The following DISC1 variants were observed in gnomAD, a reference collection of about 807,000 sequenced individuals.
The protein encoded by DISC1 is DISC1 scaffold protein.
DISC1 carries 57 observed loss-of-function variants against 84.5 expected under a neutral mutation model. That is an observed-to-expected ratio of 0.67 (90% CI 0.55 to 0.84). The LOEUF (loss-of-function observed/expected upper bound fraction) is 0.84, where lower values mean the gene tolerates loss of function less well. Ranked by LOEUF, DISC1 falls within the 40% of genes least tolerant of loss-of-function variation. The pLI is 0.00. For synonymous variants in DISC1, 411 were observed against 415.2 expected, an observed-to-expected ratio of 0.99 and a Z score of 0.12; for missense variants, 1,000 against 1,057.8, an observed-to-expected ratio of 0.95 and a Z score of 0.76.
At chr1:231,898,879 G>A (rs756783101) in intron 9 of DISC1, among the ~76,000 whole-genome samples, 5 of 151,996 alleles carry the variant, frequency 3.3e-5, no homozygotes, top group African/African-American at 4.8e-5. Context: ...GTTGCAGTGA[G>A]CCGAGATGAT....
chr1:231,721,110 A>C (rs1242599491), intron 3 of DISC1: 2 of 1,288,276 alleles, frequency 1.6e-6, no homozygotes, highest in East Asian at 1.1e-4. Context: ...CTCATCTGCC[A>C]AATGAGTACA....
intron 9 of DISC1, among the ~76,000 whole-genome samples, chr1:231,851,993 T>C (rs2083933839): frequency 6.6e-6 from 1 of 152,146 alleles, no homozygotes; most frequent in South Asian, 2.1e-4. Context: ...GTCTGGCTGC[T>C]GTGAGGTATG....
intron 9 of DISC1, among the ~76,000 whole-genome samples, chr1:231,869,582 G>A (rs1382635500): frequency 6.6e-6 from 1 of 151,436 alleles, no homozygotes; most frequent in Non-Finnish European, 1.5e-5. Context: ...TTCCTCTCTG[G>A]CCATGTGATC....
At chr1:231,696,904 C>T (rs775981295) in intron 2 of DISC1, among the ~76,000 whole-genome samples, 26 of 152,210 alleles carry the variant, frequency 1.7e-4, no homozygotes, top group Non-Finnish European at 3.2e-4. Context: ...AGAATGCATC[C>T]CTGTCATTAA....
intron 4 of DISC1, chr1:231,750,623 A>G: frequency 1.0e-6 from 1 of 979,968 alleles, no homozygotes; most frequent in Non-Finnish European, 1.2e-6. Context: ...ACTTAGAAAG[A>G]TTTAAAACCT....
At chr1:231,640,709 TA>T (rs1417795884) in intron 1 of DISC1, among the ~76,000 whole-genome samples, 1 of 152,020 alleles carries the variant, frequency 6.6e-6, no homozygotes, top group Non-Finnish European at 1.5e-5. Context: ...TATTTTTATT[TA>T]TTTTTTGTAG....
intron 8 of DISC1, among the ~76,000 whole-genome samples, chr1:231,804,035 A>G (rs989745127): frequency 4.0e-5 from 6 of 151,438 alleles, no homozygotes; most frequent in Admixed American, 2.0e-4. Context: ...CTGCTTAGTG[A>G]CTAGAAGCAA....
Position 231,910,416 on chromosome 1 carries a change from CT to C in DISC1, c.1982-48410del, listed in dbSNP as rs575419596. 1.3e-4 allele frequency among the ~76,000 whole-genome samples: 20 copies of C among 152,244 alleles called. No homozygotes were observed. In the East Asian group the frequency reaches 3.1e-3, roughly 23 times the overall value. ...TTTCAAAGAACATCTTTATTTCTGC[CT>C]TCATTTCGTTATGTACTCAGTAGTC... On this transcript the variant is annotated intron_variant, in intron 9 of 12. Coordinates refer to ENST00000439617, the MANE Select transcript of DISC1 (RefSeq NM_018662.3).
intron 9 of DISC1, among the ~76,000 whole-genome samples, chr1:231,825,733 G>C (rs1292010180): frequency 6.6e-6 from 1 of 151,528 alleles, no homozygotes; most frequent in Non-Finnish European, 1.5e-5. Context: ...CATAACTTCA[G>C]CCTAATGCTT....
intron 6 of DISC1, among the ~76,000 whole-genome samples, chr1:231,789,648 G>A (rs757588960): frequency 3.0e-4 from 46 of 152,152 alleles, no homozygotes; most frequent in Non-Finnish European, 6.2e-4. Context: ...CCAAGTCATT[G>A]AACCAAAATT....
chr1:231,683,227 A>T (rs2125567882), intron 1 of DISC1, among the ~76,000 whole-genome samples: 1 of 152,238 alleles, frequency 6.6e-6, no homozygotes, highest in South Asian at 2.1e-4. Flanking sequence ...AAAGTTTATG[A>T]TGCATTTGAA....
chr1:231,772,193 C>T (rs773949813), intron 6 of DISC1, among the ~76,000 whole-genome samples: 3 of 152,068 alleles, frequency 2.0e-5, no homozygotes, highest in Non-Finnish European at 4.4e-5. Context: ...TGGGCTCAAG[C>T]GATCCTCCTG....
At chr1:232,016,581 A>C (rs1668507525) in intron 11 of DISC1, among the ~76,000 whole-genome samples, 1 of 152,238 alleles carries the variant, frequency 6.6e-6, no homozygotes, top group South Asian at 2.1e-4. Flanking sequence ...TGATCGTGTA[A>C]TATAAACTGT....
At position 231,704,653 on chromosome 1, in the gene DISC1, G is replaced by A. The variant is rs575277343; in HGVS notation, c.1117+2629G>A. ...CAGGCGCCTGTAGTCCCAGCTACTC[G>A]GGAGGCTGAGGCAGGAGAATGGCGT... On this transcript the variant is annotated intron_variant, in intron 3 of 12. Coordinates refer to ENST00000439617, the MANE Select transcript of DISC1 (RefSeq NM_018662.3). 6.1e-4 allele frequency among the ~76,000 whole-genome samples: 93 copies of A among 151,684 alleles called. No homozygotes were observed. In the South Asian group the frequency reaches 7.1e-3, roughly 12 times the overall value.
intron 8 of DISC1, among the ~76,000 whole-genome samples, chr1:231,808,292 G>A (rs1442696812): frequency 6.6e-6 from 1 of 152,198 alleles, no homozygotes; most frequent in East Asian, 1.9e-4. Flanking sequence ...GAGCTGGCCT[G>A]CCCTGCTCAC....
chr1:231,776,846 T>C (rs16854954), intron 6 of DISC1, among the ~76,000 whole-genome samples: 46,739 of 152,088 alleles, frequency 0.31, 7,737 homozygotes, highest in African/African-American at 0.42. Flanking sequence ...AAACTGATCC[T>C]GAATCTAGGA....
chr1:231,679,197 A>G (rs1558311747), intron 1 of DISC1, among the ~76,000 whole-genome samples: 1 of 152,240 alleles, frequency 6.6e-6, no homozygotes, highest in Non-Finnish European at 1.5e-5. Flanking sequence ...TTCCCTGGCA[A>G]GCACTGTCTT....
intron 10 of DISC1, among the ~76,000 whole-genome samples, chr1:231,972,383 G>A (rs1662107262): frequency 6.6e-6 from 1 of 152,316 alleles, no homozygotes; most frequent in Admixed American, 6.5e-5. Flanking sequence ...CCTTAGATCT[G>A]TAAGTGACTA....
At chr1:231,920,555 A>G (rs1028665) in intron 9 of DISC1, among the ~76,000 whole-genome samples, 30,731 of 152,088 alleles carry the variant, frequency 0.2, 3,923 homozygotes, top group East Asian at 0.7. Flanking sequence ...CACTTAGTGT[A>G]ACGTCCTTAA....
Sources: allele counts gnomAD v4.1 joint callset (sites outside exome capture counted in the v4.1 genomes callset), GRCh38; gene constraint gnomAD v4.1.1; transcripts MANE v1.5; gene names NCBI Gene and HGNC (gene_info 2026-07-23, HGNC 2026-07-21).